Variants in SFI1 observed in about 807,000 individuals in gnomAD.
SFI1 encodes the protein protein SFI1 homolog.
In SFI1, 195 loss-of-function variants were observed where a neutral mutation model predicts 207.5. That is an observed-to-expected ratio of 0.94 (90% CI 0.84 to 1.06). The LOEUF (loss-of-function observed/expected upper bound fraction) is 1.06. SFI1 is among the 50% of genes least tolerant of loss of function. The pLI is 0.00. For synonymous variants in SFI1, 630 were observed against 598.9 expected, an observed-to-expected ratio of 1.05 and a Z score of -0.76; for missense variants, 1,634 against 1,588.0, an observed-to-expected ratio of 1.03 and a Z score of -0.49.
intron 15 of SFI1, among the ~76,000 whole-genome samples, chr22:31,594,711 CGGGCGTGGTGGT>C (rs2066812803): frequency 1.3e-5 from 2 of 150,888 alleles, no homozygotes. Flanking sequence ...AAAAATTAGC[CGGGCGTGGTGGT>C]GGGCGACTGT....
chr22:31,545,877 CTT>C (rs770151262), intron 4 of SFI1, among the ~76,000 whole-genome samples: 35 of 99,526 alleles, frequency 3.5e-4, no homozygotes, highest in African/African-American at 9.5e-4. Flanking sequence ...CCGTGTCCAG[CTT>C]TTTTTTTTTT....
chr22:31,602,355 C>T, intron 16 of SFI1, 62 bp downstream of exon 16: 3 of 1,497,586 alleles, frequency 2.0e-6, no homozygotes, highest in Non-Finnish European at 2.8e-6. Flanking sequence ...CCATTGCACT[C>T]ACGGCCTCCC....
chr22:31,613,246 T>G, intron 25 of SFI1, 30 bp downstream of exon 25: 5 of 1,613,230 alleles, frequency 3.1e-6, no homozygotes, highest in Non-Finnish European at 3.4e-6. Context: ...CTACCATCCC[T>G]GCCTCTCCCT....
chr22:31,608,219 T>A (rs1018613420), intron 22 of SFI1, among the ~76,000 whole-genome samples, 186 bp downstream of exon 22: 25 of 152,292 alleles, frequency 1.6e-4, no homozygotes, highest in African/African-American at 5.8e-4. Flanking sequence ...TTCTGGAGGC[T>A]GGCAGTCAGC....
At chr22:31,593,952 C>G (rs2146648157) in intron 15 of SFI1, among the ~76,000 whole-genome samples, 2 of 123,344 alleles carry the variant, frequency 1.6e-5, no homozygotes, top group Middle Eastern at 8.8e-3. Context: ...CCAGCTTCGG[C>G]TCCGCATGAG....
intron 1 of SFI1, among the ~76,000 whole-genome samples, chr22:31,497,041 T>C (rs1366053150): frequency 6.6e-6 from 1 of 152,208 alleles, no homozygotes; most frequent in Non-Finnish European, 1.5e-5. Flanking sequence ...AGGGCTGGTA[T>C]ATGGGCGACC....
At chr22:31,616,043 C>T (rs1041696612) in intron 29 of SFI1, 4 of 152,180 alleles carry the variant, frequency 2.6e-5, no homozygotes, top group African/African-American at 9.7e-5. Flanking sequence ...CCCAGAGCCA[C>T]TGCGGCCTCT....
rs200146787 is a variant in SFI1 at position 31,614,848 on chromosome 22, C to T, written c.3056C>T (p.Ala1019Val). The change falls in exon 28 of 33, where the codon GCG becomes GTG. Residue 1019 changes from alanine to valine, a missense_variant. Coordinates refer to ENST00000400288, the MANE Select transcript of SFI1 (RefSeq NM_001007467.3). ...PRRPHFLLEP[A>V]QSQRPQKPQE... The stretch of plus-strand genomic sequence containing the variant: ...CGCCCACACTTCCTGTTGGAGCCTG[C>T]GCAGAGCCAGAGGTCCCTGGGGTGC... 5.9e-5 allele frequency: 95 copies of T among 1,613,758 alleles called. No homozygotes were observed. The Admixed American group carries it at 9.7e-4, about 16-fold the overall frequency.
In SFI1 at chr22:31,613,448, A is replaced by T. The variant is rs774838850; in HGVS notation, c.2660A>T (p.Gln887Leu). ...ALQAYQGQLL[Q>L]EGATRLLRFA... ...CAGGCCTACCAGGGGCAGCTCCTCC[A>T]GGAGGGTGCCACGCGGCTCCTGCGC... is the stretch of plus-strand genomic sequence containing the variant. The change falls in exon 26 of 33, where the codon CAG becomes CTG. Residue 887 changes from glutamine to leucine, a missense_variant. By Grantham distance (113) the Gln-to-Leu change is moderately radical. Coordinates refer to ENST00000400288, the MANE Select transcript of SFI1 (RefSeq NM_001007467.3). The T allele has an allele frequency of 3.7e-6, 6 of 1,607,570 alleles. No homozygotes were observed. In the South Asian group the frequency reaches 6.6e-5, roughly 18 times the overall value.
intron 8 of SFI1, among the ~76,000 whole-genome samples, chr22:31,566,274 A>G (rs2051140295): frequency 6.6e-6 from 1 of 152,000 alleles, no homozygotes; most frequent in Non-Finnish European, 1.5e-5. Flanking sequence ...TTGTATTTTT[A>G]GTAGAGATGG....
At chr22:31,562,762 TAG>T (rs2061848318) in intron 8 of SFI1, among the ~76,000 whole-genome samples, 1 of 151,538 alleles carries the variant, frequency 6.6e-6, no homozygotes, top group African/African-American at 2.4e-5. Context: ...GCCTCCTGAG[TAG>T]CTGGGACTGC....
At chr22:31,531,988 G>C (rs555996711) in intron 4 of SFI1, among the ~76,000 whole-genome samples, 5 of 152,132 alleles carry the variant, frequency 3.3e-5, no homozygotes, top group African/African-American at 9.6e-5. Flanking sequence ...TTGAACCCTG[G>C]AGGCATAGGT....
intron 2 of SFI1, among the ~76,000 whole-genome samples, chr22:31,514,992 A>C (rs1294136828): frequency 9.9e-5 from 15 of 152,082 alleles, no homozygotes; most frequent in African/African-American, 3.6e-4. Flanking sequence ...GGATGGTCTC[A>C]ATCTCTTGAC....
At chr22:31,517,123 G>A (rs2056635500) in intron 2 of SFI1, among the ~76,000 whole-genome samples, 1 of 151,420 alleles carries the variant, frequency 6.6e-6, no homozygotes, top group East Asian at 1.9e-4. Flanking sequence ...GACAGAGTGA[G>A]ACTCTGTCTC....
chr22:31,541,203 C>T (rs963237087), intron 4 of SFI1, among the ~76,000 whole-genome samples: 2 of 152,090 alleles, frequency 1.3e-5, no homozygotes, highest in Admixed American at 6.6e-5. Flanking sequence ...CTGGGTGCTT[C>T]TTGTCTCCCT....
At chr22:31,595,897 C>G (rs1569427018) in intron 15 of SFI1, among the ~76,000 whole-genome samples, 1 of 152,178 alleles carries the variant, frequency 6.6e-6, no homozygotes, top group East Asian at 1.9e-4. Context: ...TGTACTTTAT[C>G]TTAGGACAGA....
At position 31,552,597 on chromosome 22, in the gene SFI1, C is replaced by A. The variant is rs567493478; in HGVS notation, c.544+2249C>A. ...CTGTTGATGGATGCTGAGGTTGATTCCATGACTTTGCTGTTGAGAATAGTG... is the reference window on the plus strand; with the variant it reads ...CTGTTGATGGATGCTGAGGTTGATTACATGACTTTGCTGTTGAGAATAGTG... On this transcript the variant is annotated intron_variant, in intron 6 of 32. Transcript: ENST00000400288. Among the ~76,000 whole-genome samples, 9 of 152,194 alleles carry A rather than the reference C, an allele frequency of 5.9e-5. 1 individual carries two copies. Among genetic ancestry groups the A allele is most frequent in the African/African-American group, 1.7e-4 (7 of 41,530 alleles).
chr22:31,616,677 C>A, intron 29 of SFI1, 68 bp from the exon 30 acceptor site: 2 of 1,491,636 alleles, frequency 1.3e-6, no homozygotes. Context: ...GTGACAAGGA[C>A]TTGGTGTCCC....
intron 7 of SFI1, 109 bp from the exon 8 acceptor site, chr22:31,561,181 A>C (rs16989278): frequency 1.2e-6 from 1 of 817,458 alleles, no homozygotes; most frequent in Admixed American, 2.7e-5. Flanking sequence ...AGATGGTACT[A>C]TGAAGGAGAG....
Sources: gnomAD v4.1 joint callset for allele counts (sites outside exome capture counted in the v4.1 genomes callset) on GRCh38, gnomAD v4.1.1 for gene constraint, MANE v1.5 for transcripts, NCBI Gene and HGNC (gene_info 2026-07-23, HGNC 2026-07-21) for gene names.